Variants in FUT8 observed in about 807,000 individuals in gnomAD.
FUT8 encodes the protein fucosyltransferase 8.
In FUT8, 29 loss-of-function variants were observed where a neutral mutation model predicts 71.3. That is an observed-to-expected ratio of 0.41 (90% confidence interval 0.30 to 0.55). The LOEUF (loss-of-function observed/expected upper bound fraction) is 0.55, where lower values mean the gene tolerates loss of function less well. Ranked by LOEUF, FUT8 falls within the 20% of genes least tolerant of loss-of-function variation. FUT8 has a pLI of 0.34. For synonymous variants in FUT8, 254 were observed against 239.3 expected, an observed-to-expected ratio of 1.06 and a Z score of -0.57; for missense variants, 544 against 702.1, an observed-to-expected ratio of 0.77 and a Z score of 2.55.
intron 10 of FUT8, among the ~76,000 whole-genome samples, chr14:65,735,615 A>C (rs1477502449): frequency 1.4e-5 from 2 of 145,360 alleles, no homozygotes; most frequent in African/African-American, 4.9e-5. Context: ...AAAATATTTT[A>C]TGTTAGGATT....
Position 65,453,033 on chromosome 14 carries a change from A to G in FUT8, c.-325-2588A>G, listed in dbSNP as rs1019458165. ...CCTTCTGGCTCTGTTTTCTTGCCTT[A>G]GTTTTTTTAACCTGCTAGTTAATTA... On this transcript the variant is annotated intron_variant, in intron 1 of 10. Transcript: ENST00000673929. Among the ~76,000 whole-genome samples the G allele has an allele frequency of 3.3e-5, 5 of 149,816 alleles. 1 individual carries two copies. The South Asian group carries it at 1.1e-3, about 33-fold the overall frequency.
chr14:65,732,138 C>G (rs4343192), intron 9 of FUT8, among the ~76,000 whole-genome samples: 9,049 of 152,232 alleles, frequency 0.059, 325 homozygotes, highest in Admixed American at 0.11. Context: ...AGAAGGCAAA[C>G]TGTCAAAAAT....
intron 7 of FUT8, among the ~76,000 whole-genome samples, chr14:65,675,806 A>G (rs2300868): frequency 0.14 from 21,014 of 151,126 alleles, 2,004 homozygotes; most frequent in East Asian, 0.48. Context: ...ACTGGCCAAC[A>G]TGGTGAAACC....
At chr14:65,707,641 A>G (rs951826308) in intron 7 of FUT8, among the ~76,000 whole-genome samples, 3 of 152,114 alleles carry the variant, frequency 2.0e-5, no homozygotes, top group African/African-American at 7.2e-5. Context: ...TCTTATAACC[A>G]TTTTGAGTTG....
intron 2 of FUT8, among the ~76,000 whole-genome samples, chr14:65,532,982 C>T (rs1412559714): frequency 1.3e-5 from 2 of 152,004 alleles, no homozygotes; most frequent in African/African-American, 4.8e-5. Flanking sequence ...TTGTTCTGTT[C>T]CATTGGTCTG....
chr14:65,512,038 A>G (rs530389717), intron 2 of FUT8, among the ~76,000 whole-genome samples: 1 of 152,304 alleles, frequency 6.6e-6, no homozygotes, highest in African/African-American at 2.4e-5. Context: ...TATATGGTAT[A>G]GCCTATTGCT....
At chr14:65,499,940 A>G (rs2066620580) in intron 2 of FUT8, among the ~76,000 whole-genome samples, 1 of 152,122 alleles carries the variant, frequency 6.6e-6, no homozygotes, top group South Asian at 2.1e-4. Flanking sequence ...AAATTTTTAT[A>G]TTTAAAAGCT....
chr14:65,743,877 C>T lies in FUT8; in HGVS notation c.*1467C>T, dbSNP rs1896616290. The stretch of plus-strand genomic sequence containing the variant: ...TTACTGCATTCTAAAAGAAAAATGT[C>T]ATCTCTGTAGGAGCGACTATCAGGC... On this transcript the variant is annotated 3_prime_UTR_variant, in exon 11 of 11. Transcript: ENST00000673929. 6.6e-6 allele frequency: 1 copy of T among 151,830 alleles called. No homozygotes were observed. The highest frequency in any genetic ancestry group is 1.5e-5 in the Non-Finnish European group (1 of 67,854). The allele number at this position is 151,830 out of a possible 1,614,324, so 9.4% of individuals were successfully genotyped here. A position where few individuals can be genotyped will look rare whatever the true frequency, so the allele number is the denominator to read the frequency against.
At chr14:65,374,799 A>G in the FUT8 span, among the ~76,000 whole-genome samples, 9 of 150,196 alleles carry the variant, frequency 6.0e-5, no homozygotes, top group East Asian at 1.8e-3. Context: ...GTGGGATTTC[A>G]CCATATTGGC....
intron 2 of FUT8, among the ~76,000 whole-genome samples, chr14:65,533,321 T>C (rs1448436275): frequency 2.0e-5 from 3 of 152,186 alleles, no homozygotes; most frequent in Admixed American, 6.5e-5. Context: ...TGTCATCTCT[T>C]GATTTCTTTG....
intron 2 of FUT8, among the ~76,000 whole-genome samples, chr14:65,498,893 T>C (rs2066601378): frequency 6.6e-6 from 1 of 152,218 alleles, no homozygotes; most frequent in Non-Finnish European, 1.5e-5. Flanking sequence ...ATTTATGTCA[T>C]GCCTCTTTCA....
At chr14:65,531,552 A>G (rs995039837) in intron 2 of FUT8, among the ~76,000 whole-genome samples, 4 of 152,178 alleles carry the variant, frequency 2.6e-5, no homozygotes, top group Non-Finnish European at 4.4e-5. Flanking sequence ...ATTTTAGGTG[A>G]GAAAACTACA....
At chr14:65,580,338 A>G (rs1887020666) in intron 3 of FUT8, among the ~76,000 whole-genome samples, 1 of 151,776 alleles carries the variant, frequency 6.6e-6, no homozygotes, top group Admixed American at 6.6e-5. Context: ...ATATCTAAAC[A>G]TAGAAAAGGT....
chr14:65,439,975 T>C (rs890557256), intron 1 of FUT8, among the ~76,000 whole-genome samples: 5 of 136,996 alleles, frequency 3.6e-5, no homozygotes, highest in Non-Finnish European at 6.3e-5. Flanking sequence ...TATATATATA[T>C]ATATATATAT....
the FUT8 span, among the ~76,000 whole-genome samples, chr14:65,384,307 G>A: frequency 6.6e-6 from 1 of 152,126 alleles, no homozygotes; most frequent in Non-Finnish European, 1.5e-5. The surrounding 1 kb of genome is among the most constrained non-coding windows in gnomAD (Gnocchi z 4.2). Flanking sequence ...GGAGTGCAGT[G>A]GTGTGATCAT....
intron 6 of FUT8, among the ~76,000 whole-genome samples, chr14:65,648,852 G>A (rs1238902455): frequency 2.0e-5 from 3 of 152,276 alleles, no homozygotes; most frequent in Admixed American, 6.5e-5. Context: ...GTATATTGGA[G>A]CTATTATGGT....
intron 2 of FUT8, among the ~76,000 whole-genome samples, chr14:65,495,196 A>C (rs1187996156): frequency 1.3e-5 from 2 of 152,032 alleles, no homozygotes; most frequent in South Asian, 2.1e-4. Context: ...AAAAAAAAAA[A>C]AACCCAGTAA....
Position 65,500,253 on chromosome 14 carries a change from C to T in FUT8, c.-228+44535C>T, listed in dbSNP as rs117182752. The stretch of plus-strand genomic sequence containing the variant: ...ATTCCTGCTTTCAGTATATTATAAA[C>T]ACTTAGATATTTTTTGTTCTTTATG... On this transcript the variant is annotated intron_variant, in intron 2 of 10. Coordinates refer to ENST00000673929, the MANE Select transcript of FUT8 (RefSeq NM_001371533.1). Among the ~76,000 whole-genome samples, 669 of 152,260 alleles carry T rather than the reference C, an allele frequency of 4.4e-3. 1 individual carries two copies. The highest frequency in any genetic ancestry group is 6.8e-3 in the Non-Finnish European group (462 of 68,024).
At chr14:65,543,173 T>A (rs577389011) in intron 2 of FUT8, among the ~76,000 whole-genome samples, 126 of 152,340 alleles carry the variant, frequency 8.3e-4, no homozygotes, top group African/African-American at 2.9e-3. Context: ...AAGAGTTGAT[T>A]TGAATGCAAG....
Sources: allele counts gnomAD v4.1 joint callset (sites outside exome capture counted in the v4.1 genomes callset), GRCh38; gene constraint gnomAD v4.1.1; non-coding constraint Gnocchi (gnomAD v3.1); transcripts MANE v1.5; gene names NCBI Gene and HGNC (gene_info 2026-07-23, HGNC 2026-07-21).